Variants in FST observed in about 807,000 individuals in gnomAD.
The protein encoded by FST is activin-binding protein.
FST carries 6 observed loss-of-function variants against 38.4 expected under a neutral mutation model. The ratio of observed to expected loss-of-function variants is 0.16; its 90% CI spans 0.09 to 0.31. The LOEUF is 0.31. Ranked by LOEUF, FST falls within the 10% of genes least tolerant of loss-of-function variation. The pLI is 1.00. For synonymous variants in FST, 157 were observed against 169.8 expected (o/e 0.92, Z 0.59); for missense variants, 301 against 432.3 (o/e 0.70, Z 2.69).
At chr5:53,482,804 C>A (rs774910288) in intron 1 of FST, 76 bp from the exon 2 acceptor site, 8 of 864,136 alleles carry the variant, frequency 9.3e-6, no homozygotes, top group South Asian at 1.8e-5. Flanking sequence ...GTCTCCTTCG[C>A]TAGCCACCTC....
intron 5 of FST, 43 bp downstream of exon 5, chr5:53,485,270 A>T (rs1747479877): frequency 1.2e-5 from 13 of 1,060,208 alleles, no homozygotes; most frequent in Non-Finnish European, 1.9e-5. Flanking sequence ...AGGCTTTCCC[A>T]GGCAATCCCT....
At position 53,485,828 on chromosome 5, in the gene FST, T is replaced by C. The variant is rs143263953; in HGVS notation, c.953-123T>C. The C allele has an allele frequency of 2.4e-4, 382 of 1,596,338 alleles. 1 individual carries two copies. The African/African-American group carries it at 4.8e-3, about 20-fold the overall frequency. The stretch of plus-strand genomic sequence containing the variant: ...AACAAAAAAAGCATCTCACTGCAAG[T>C]CACATAAAAATGCAACGCTGTAATA... On this transcript the variant is annotated intron_variant, in intron 5 of 5. Transcript: ENST00000256759.
At chr5:53,482,400 CCT>C (rs1381570584) in intron 1 of FST, among the ~76,000 whole-genome samples, 5 of 151,464 alleles carry the variant, frequency 3.3e-5, no homozygotes, top group Non-Finnish European at 7.4e-5. Flanking sequence ...TTTCTTAACC[CCT>C]GTCACAAATA....
In FST at chr5:53,486,088, A is replaced by AG. The variant is rs1561300676; in HGVS notation, c.*55_*56insG. ...GCCTTTGTGCAAAAAAAAAAAAAAA[A>AG]AAAAAGAAAAAGAAAAAAAGAAAAA... On this transcript the variant is annotated 3_prime_UTR_variant, in exon 6 of 6. Transcript: ENST00000256759. The AG allele has an allele frequency of 2.2e-6, 2 of 904,622 alleles. No individual in the cohort carries two copies. Among genetic ancestry groups the AG allele is most frequent in the Admixed American group, 2.7e-5 (1 of 37,514 alleles). 56.0% of individuals were successfully genotyped at this position (904,622 alleles called of 1,614,324 possible). A position where few individuals can be genotyped will look rare whatever the true frequency, so the allele number is the denominator to read the frequency against.
In FST at chr5:53,483,169, T is replaced by G; in HGVS notation, c.277+98T>G. The stretch of plus-strand genomic sequence containing the variant: ...CTGGGGTTTGGGAGTAGGAGAGCTT[T>G]GTTCCTGGGCTTCCCCTTCCTGTCC... On this transcript the variant is annotated intron_variant, in intron 2 of 5. Coordinates refer to ENST00000256759, the MANE Select transcript of FST (RefSeq NM_013409.3). The surrounding 1 kb of genome is among the most constrained non-coding windows in gnomAD (Gnocchi z 4.1). The G allele has an allele frequency of 1.2e-6, 1 of 812,508 alleles. No homozygotes were observed. The highest frequency in any genetic ancestry group is 2.0e-6 in the Non-Finnish European group (1 of 487,918). 50.3% of individuals were successfully genotyped at this position (812,508 alleles called of 1,614,324 possible). A position where few individuals can be genotyped will look rare whatever the true frequency, so the allele number is the denominator to read the frequency against.
chr5:53,481,348 G>T, intron 1 of FST, among the ~76,000 whole-genome samples: 1 of 149,860 alleles, frequency 6.7e-6, no homozygotes. Context: ...TGGTGGCTGG[G>T]GGACGTGGTT....
Position 53,483,389 on chromosome 5 carries a change from G to A in FST, c.278-115G>A, listed in dbSNP as rs1747357942. The stretch of plus-strand genomic sequence containing the variant: ...CCAATATTCCAGGAGAGAGCCTGGG[G>A]CCCCTCCAGCGCAAACTCAGGGCTG... On this transcript the variant is annotated intron_variant, in intron 2 of 5. Coordinates refer to ENST00000256759, the MANE Select transcript of FST (RefSeq NM_013409.3). The surrounding 1 kb of genome is among the most constrained non-coding windows in gnomAD (Gnocchi z 4.1). 1.3e-6 allele frequency: 1 copy of A among 772,174 alleles called. No homozygotes were observed. Among genetic ancestry groups the A allele is most frequent in the Admixed American group, 2.3e-5 (1 of 43,150 alleles). 47.8% of individuals were successfully genotyped at this position (772,174 alleles called of 1,614,324 possible). A position where few individuals can be genotyped will look rare whatever the true frequency, so the allele number is the denominator to read the frequency against.
chr5:53,481,682 C>T (rs1301205155), intron 1 of FST, among the ~76,000 whole-genome samples: 1 of 151,960 alleles, frequency 6.6e-6, no homozygotes, highest in Admixed American at 6.6e-5. Flanking sequence ...AGTCTTTGGG[C>T]AGAATGTTTA....
At chr5:53,482,677 C>G (rs757034132) in intron 1 of FST, 12 of 503,432 alleles carry the variant, frequency 2.4e-5, no homozygotes, top group Non-Finnish European at 3.5e-5. Context: ...ATCAGGGCTT[C>G]CCCCTCCACT....
At chr5:53,485,769 T>C in intron 5 of FST, 182 bp from the exon 6 acceptor site, 2 of 1,593,572 alleles carry the variant, frequency 1.3e-6, no homozygotes, top group Admixed American at 1.9e-5. Context: ...TTAAAAAAAT[T>C]TTTTTAACTT....
chr5:53,485,844 C>T (rs1224490751), intron 5 of FST, 107 bp from the exon 6 acceptor site: 10 of 1,596,852 alleles, frequency 6.3e-6, no homozygotes, highest in East Asian at 2.2e-5. Context: ...AAAAATGCAA[C>T]GCTGTAATAT....
Position 53,483,488 on chromosome 5 carries a change from T to C in FST, c.278-16T>C, listed in dbSNP as rs1448746336. 6.2e-7 allele frequency: 1 copy of C among 1,600,144 alleles called. No individual in the cohort carries two copies. The highest frequency in any genetic ancestry group is 2.2e-5 in the East Asian group (1 of 44,816). ...CCTGGCTCTGGTTTTAATCCATGCCTGTTTCTAACTCACAGAAACGTGTGA... is the reference window on the plus strand; with the variant it reads ...CCTGGCTCTGGTTTTAATCCATGCCCGTTTCTAACTCACAGAAACGTGTGA... On this transcript the variant is annotated splice_polypyrimidine_tract_variant and intron_variant, in intron 2 of 5. Coordinates refer to ENST00000256759, the MANE Select transcript of FST (RefSeq NM_013409.3). This position sits in a 1 kb window ranked among gnomAD's most constrained non-coding sequence, Gnocchi z 4.1.
chr5:53,482,408 AAAT>A (rs1747286430), intron 1 of FST, among the ~76,000 whole-genome samples: 1 of 150,194 alleles, frequency 6.7e-6, no homozygotes, highest in Admixed American at 6.6e-5. Context: ...CCCCTGTCAC[AAAT>A]AATTCCTGTA....
rs367896068 is a variant in FST at position 53,480,892 on chromosome 5, T to A, written c.85+16T>A. On this transcript the variant is annotated intron_variant, in intron 1 of 5. Coordinates refer to ENST00000256759, the MANE Select transcript of FST (RefSeq NM_013409.3). The stretch of plus-strand genomic sequence containing the variant: ...AGTGCCCAGGGTAAGCGAGTGGGGA[T>A]GCGCTGGGGAGGCTTGGCTGAGGAC... 6.2e-6 allele frequency: 9 copies of A among 1,455,832 alleles called. No homozygotes were observed. In the African/African-American group the frequency reaches 1.3e-4, roughly 21 times the overall value. The allele number at this position is 1,455,832 out of a possible 1,614,324, so 90.2% of individuals were successfully genotyped here.
At chr5:53,481,481 A>AAAAAAAAAAAAAAC (rs1382975044) in intron 1 of FST, among the ~76,000 whole-genome samples, 1 of 150,280 alleles carries the variant, frequency 6.7e-6, no homozygotes, top group African/African-American at 2.4e-5. Context: ...AAAAAAAAAA[A>AAAAAAAAAAAAAAC]AAAAAGCCAA....
At position 53,484,181 on chromosome 5, in the gene FST, G is replaced by A. The variant is rs745323166; in HGVS notation, c.609G>A (p.Glu203=). 8 of 1,613,496 alleles carry A rather than the reference G, an allele frequency of 5.0e-6. No homozygotes were observed. The East Asian group carries it at 8.9e-5, about 18-fold the overall frequency. The part of the protein sequence containing the change: ...NRICPEPASS[E]QYLCGNDGVT... ...TTTGCCCAGAGCCTGCTTCCTCTGA[G>A]CAATATCTCTGTGGGAATGATGGAG... Residue 203 remains glutamate (E), a synonymous_variant, in exon 4 of 6, where the codon GAG becomes GAA. Coordinates refer to ENST00000256759, the MANE Select transcript of FST (RefSeq NM_013409.3).
At chr5:53,485,483 T>C (rs939398134) in intron 5 of FST, among the ~76,000 whole-genome samples, 1 of 152,180 alleles carries the variant, frequency 6.6e-6, no homozygotes, top group Non-Finnish European at 1.5e-5. Context: ...ATTTCTTGTG[T>C]TTTGGTAGTG....
At chr5:53,481,387 TG>T (rs1747195045) in intron 1 of FST, among the ~76,000 whole-genome samples, 1 of 137,038 alleles carries the variant, frequency 7.3e-6, no homozygotes, top group South Asian at 2.3e-4. Flanking sequence ...CTTGGAAATG[TG>T]GGTGCTGAAG....
Position 53,483,269 on chromosome 5 carries a change from C to G in FST, c.277+198C>G, listed in dbSNP as rs748221109. ...AGGGAATACACGCCAGACTTCTTAG[C>G]CAAGTGTGGTGGTGAAACCCACCAA... is the stretch of plus-strand genomic sequence containing the variant. On this transcript the variant is annotated intron_variant, in intron 2 of 5. Coordinates refer to ENST00000256759, the MANE Select transcript of FST (RefSeq NM_013409.3). This position sits in a 1 kb window ranked among gnomAD's most constrained non-coding sequence, Gnocchi z 4.1. Among the ~76,000 whole-genome samples, 5 of 152,202 alleles carry G rather than the reference C, an allele frequency of 3.3e-5. No individual in the cohort carries two copies. The highest frequency in any genetic ancestry group is 7.4e-5 in the Non-Finnish European group (5 of 68,022).
Sources: allele counts gnomAD v4.1 joint callset (sites outside exome capture counted in the v4.1 genomes callset), GRCh38; gene constraint gnomAD v4.1.1; non-coding constraint Gnocchi (gnomAD v3.1); transcripts MANE v1.5; gene names NCBI Gene and HGNC (gene_info 2026-07-23, HGNC 2026-07-21).